The following ADSS1 variants were observed in gnomAD, a reference collection of about 807,000 sequenced individuals.
ADSS1 encodes adenylosuccinate synthase 1, also known as adenylosuccinate synthetase isozyme 1.
In ADSS1, 57 loss-of-function variants were observed where a neutral mutation model predicts 59.1. That is an observed-to-expected ratio of 0.97 (90% confidence interval 0.78 to 1.20). The LOEUF is 1.20. Ranked by LOEUF, ADSS1 falls within the 50% of genes most tolerant of loss-of-function variation. ADSS1 has a pLI of 0.00. For missense variants in ADSS1, 603 were observed against 610.3 expected (o/e 0.99, Z 0.13); for synonymous variants, 247 against 249.4 (o/e 0.99, Z 0.09).
rs1216916548 is a variant in ADSS1 at position 104,741,832 on chromosome 14, C to A, written c.794-16C>A. 6.2e-7 allele frequency: 1 copy of A among 1,612,778 alleles called. No homozygotes were observed. The highest frequency in any genetic ancestry group is 2.2e-5 in the East Asian group (1 of 44,880). ...GGGGGTGACAGGTAGCCCCCTAAACCTGCTCTGTCTTGCAGGGACCTACCC... is the reference window on the plus strand; with the variant it reads ...GGGGGTGACAGGTAGCCCCCTAAACATGCTCTGTCTTGCAGGGACCTACCC... On this transcript the variant is annotated splice_polypyrimidine_tract_variant and intron_variant, in intron 8 of 12. Transcript: ENST00000330877.
chr14:104,733,003 G>T (rs1455407913), intron 1 of ADSS1, among the ~76,000 whole-genome samples: 1 of 152,034 alleles, frequency 6.6e-6, no homozygotes. Flanking sequence ...GTGCGCCCAG[G>T]GCTGACTCAG....
At chr14:104,746,689 A>G (rs1891573026) in intron 12 of ADSS1, among the ~76,000 whole-genome samples, 1 of 152,210 alleles carries the variant, frequency 6.6e-6, no homozygotes, top group African/African-American at 2.4e-5. Context: ...CTACAGAGAA[A>G]GGGTCTGCAG....
At chr14:104,736,476 C>T (rs1595203034) in intron 2 of ADSS1, among the ~76,000 whole-genome samples, 2 of 152,350 alleles carry the variant, frequency 1.3e-5, no homozygotes, top group Admixed American at 6.5e-5. Context: ...GCCTCTGCCG[C>T]GTGTTTATTT....
intron 1 of ADSS1, among the ~76,000 whole-genome samples, chr14:104,724,758 G>A (rs1449176166): frequency 6.6e-6 from 1 of 151,960 alleles, no homozygotes; most frequent in Non-Finnish European, 1.5e-5. Flanking sequence ...ATCCTTAGGG[G>A]GTGGCGCATG....
intron 5 of ADSS1, 151 bp downstream of exon 5, chr14:104,739,967 G>T: frequency 2.4e-6 from 2 of 849,226 alleles, no homozygotes; most frequent in South Asian, 3.3e-5. Flanking sequence ...ATTCCACAGC[G>T]CATCACCCAA....
intron 11 of ADSS1, 169 bp from the exon 12 acceptor site, chr14:104,746,067 C>A: frequency 1.3e-6 from 1 of 799,954 alleles, no homozygotes; most frequent in Non-Finnish European, 1.9e-6. Flanking sequence ...CTGCTTACCA[C>A]CCAACACTGA....
Position 104,740,232 on chromosome 14 carries a change from C to T in ADSS1, c.477-369C>T, listed in dbSNP as rs1891292082. The stretch of plus-strand genomic sequence containing the variant: ...CAGAGAGGTGATGGTCACACACTTA[C>T]CCACTCACACTCTCACACAGGCACA... On this transcript the variant is annotated intron_variant, in intron 5 of 12. Coordinates refer to ENST00000330877, the MANE Select transcript of ADSS1 (RefSeq NM_152328.5). This position sits in a 1 kb window ranked among gnomAD's most constrained non-coding sequence, Gnocchi z 4.8. 6.6e-6 allele frequency among the ~76,000 whole-genome samples: 1 copy of T among 152,128 alleles called. No homozygotes were observed. Among genetic ancestry groups the T allele is most frequent in the African/African-American group, 2.4e-5 (1 of 41,402 alleles).
chr14:104,746,416 C>G (rs1490549223), intron 12 of ADSS1, 31 bp downstream of exon 12: 1 of 1,593,954 alleles, frequency 6.3e-7, no homozygotes, highest in Non-Finnish European at 8.6e-7. Context: ...GCCACCCTCC[C>G]TGCACCCTGG....
rs998216297 is a variant in ADSS1, at chr14:104,740,344, C to T, written c.477-257C>T. Among the ~76,000 whole-genome samples, 2 of 152,038 alleles carry T rather than the reference C, an allele frequency of 1.3e-5. No individual in the cohort carries two copies. The highest frequency in any genetic ancestry group is 4.8e-5 in the African/African-American group (2 of 41,338). ...CACACGCCACACAAGCCCACACACC[C>T]ACGCAAATGCACAAAAGTACACACA... is the stretch of plus-strand genomic sequence containing the variant. On this transcript the variant is annotated intron_variant, in intron 5 of 12. Coordinates refer to ENST00000330877, the MANE Select transcript of ADSS1 (RefSeq NM_152328.5). The surrounding 1 kb of genome is among the most constrained non-coding windows in gnomAD (Gnocchi z 4.8).
At chr14:104,739,175 C>T (rs547457999) in intron 3 of ADSS1, among the ~76,000 whole-genome samples, 153 bp from the exon 4 acceptor site, 1 of 152,142 alleles carries the variant, frequency 6.6e-6, no homozygotes, top group Non-Finnish European at 1.5e-5. Context: ...GCGGGTCTGC[C>T]GCTTGCTGCG....
At position 104,746,386 on chromosome 14, in the gene ADSS1, G is replaced by A. The variant is rs773930435; in HGVS notation, c.1321+1G>A. ...GTGGAGAATCACGTGGGAGTCGCAG[G>A]TGGGTGCCCTGCATCCCCAGCCACC... On this transcript the variant is annotated splice_donor_variant, in intron 12 of 12. Coordinates refer to ENST00000330877, the MANE Select transcript of ADSS1 (RefSeq NM_152328.5). LOFTEE classifies it high-confidence loss of function. The A allele has an allele frequency of 4.9e-5, 79 of 1,609,622 alleles. No homozygotes were observed. Among genetic ancestry groups the A allele is most frequent in the Non-Finnish European group, 6.5e-5 (77 of 1,177,348 alleles).
At chr14:104,737,518 G>C (rs80205198) in intron 2 of ADSS1, 10,676 of 152,240 alleles carry the variant, frequency 0.07, 421 homozygotes, top group East Asian at 0.099. Context: ...CCGAGTTTCG[G>C]CGATTATGAA....
At chr14:104,726,005 C>T (rs1013811769) in intron 1 of ADSS1, among the ~76,000 whole-genome samples, 1 of 152,216 alleles carries the variant, frequency 6.6e-6, no homozygotes, top group South Asian at 2.1e-4. Context: ...CCCCACAGCC[C>T]CGCTCACTCG....
In ADSS1 at chr14:104,739,749, GTGTT is replaced by G; in HGVS notation, c.412_415del (p.Phe138IlefsTer22). 1 of 1,613,868 alleles carries G rather than the reference GTGTT, an allele frequency of 6.2e-7. No homozygotes were observed. Among genetic ancestry groups the G allele is most frequent in the Non-Finnish European group, 8.5e-7 (1 of 1,179,970 alleles). On this transcript the variant is annotated frameshift_variant and splice_region_variant, in exon 5 of 13. Coordinates refer to ENST00000330877, the MANE Select transcript of ADSS1 (RefSeq NM_152328.5). LOFTEE classifies it high-confidence loss of function. ...CTGCCCTCACCTGGCCCGCCCGACAGTGTTTGATTTTCACCAGGCTGTCGACGGA... is the reference window on the plus strand; with the variant it reads ...CTGCCCTCACCTGGCCCGCCCGACAGTGATTTTCACCAGGCTGTCGACGGA...
chr14:104,739,997 G>A (rs370388695), intron 5 of ADSS1, among the ~76,000 whole-genome samples, 181 bp downstream of exon 5: 16 of 152,102 alleles, frequency 1.1e-4, no homozygotes, highest in Non-Finnish European at 2.1e-4. Context: ...GAGCCAGCCC[G>A]TCTCTCTCTG....
chr14:104,739,828 G>A lies in ADSS1; in HGVS notation c.476+12G>A, dbSNP rs377420068. The A allele has an allele frequency of 2.2e-5, 35 of 1,613,490 alleles. No individual in the cohort carries two copies. Among genetic ancestry groups the A allele is most frequent in the African/African-American group, 2.7e-5 (2 of 74,900 alleles). On this transcript the variant is annotated intron_variant, in intron 5 of 12. Transcript: ENST00000330877. The stretch of plus-strand genomic sequence containing the variant: ...CAAGAGGGGAAGAAGTAAGTCTGCC[G>A]GGACACTCTCACCCTCGGGGAGTCT...
intron 1 of ADSS1, among the ~76,000 whole-genome samples, chr14:104,733,116 G>C (rs1337571607): frequency 6.6e-6 from 1 of 151,946 alleles, no homozygotes; most frequent in South Asian, 2.1e-4. Flanking sequence ...GGCAGCATTA[G>C]CTCCCACAAG....
At chr14:104,735,271 CA>C (rs1194012270) in intron 2 of ADSS1, 149 bp downstream of exon 2, 2 of 711,946 alleles carry the variant, frequency 2.8e-6, no homozygotes, top group African/African-American at 1.8e-5. Context: ...CCCCACCAGG[CA>C]CTGGTGCACA....
chr14:104,740,825 T>C lies in ADSS1; in HGVS notation c.585-14T>C, dbSNP rs1017798993. The C allele has an allele frequency of 1.5e-5, 25 of 1,613,870 alleles. No homozygotes were observed. The highest frequency in any genetic ancestry group is 2.0e-5 in the Non-Finnish European group (24 of 1,179,974). The stretch of plus-strand genomic sequence containing the variant: ...GACCATGACAGGGGGTGATGATGAC[T>C]GTCCCTTGTGCAGATTCAAGAACCT... On this transcript the variant is annotated splice_polypyrimidine_tract_variant and intron_variant, in intron 6 of 12. Transcript: ENST00000330877. The surrounding 1 kb of genome is among the most constrained non-coding windows in gnomAD (Gnocchi z 4.8).
Sources: gnomAD v4.1 joint callset for allele counts (sites outside exome capture counted in the v4.1 genomes callset) on GRCh38, gnomAD v4.1.1 for gene constraint, Gnocchi (gnomAD v3.1) non-coding constraint, MANE v1.5 for transcripts, NCBI Gene and HGNC (gene_info 2026-07-23, HGNC 2026-07-21) for gene names.